Variants in STRADB observed in about 807,000 individuals in gnomAD.
The protein encoded by STRADB is STE20-related kinase adapter protein beta.
STRADB carries 34 observed loss-of-function variants against 52.1 expected under a neutral mutation model. The observed-to-expected ratio is 0.65, with a 90% CI of 0.50 to 0.87. The LOEUF (loss-of-function observed/expected upper bound fraction) is 0.87. STRADB is among the 40% of genes least tolerant of loss of function. The pLI is 0.00. For missense variants in STRADB, 340 were observed against 483.9 expected, an observed-to-expected ratio of 0.70 and a Z score of 2.79; for synonymous variants, 133 against 174.5, an observed-to-expected ratio of 0.76 and a Z score of 1.87.
In STRADB at chr2:201,478,490, G is replaced by A; in HGVS notation, c.959G>A (p.Ser320Asn). 1 of 1,614,044 alleles carries A rather than the reference G, an allele frequency of 6.2e-7. No individual in the cohort carries two copies. Among genetic ancestry groups the A allele is most frequent in the Non-Finnish European group, 8.5e-7 (1 of 1,180,026 alleles). ...ATTGGAGAAAGTGTGCTTGTCTCCA[G>A]TGGAACTCACACAGTAAATAGTGAC... Reference protein sequence around the residue: ...SGIGESVLVSSGTHTVNSDRL... With the variant: ...SGIGESVLVSNGTHTVNSDRL... The change falls in exon 10 of 12, where the codon AGT (serine) becomes AAT (asparagine). Residue 320 changes from serine (S) to asparagine (N), a missense_variant. By Grantham distance (46) the Ser-to-Asn change is conservative. Transcript: ENST00000194530.
In STRADB at chr2:201,458,788, G is replaced by A. The variant is rs1952167964; in HGVS notation, c.17G>A (p.Cys6Tyr). 6.2e-7 allele frequency: 1 copy of A among 1,613,018 alleles called. No individual in the cohort carries two copies. The highest frequency in any genetic ancestry group is 1.3e-5 in the African/African-American group (1 of 74,786). Residue 6 changes from cysteine to tyrosine, a missense_variant, in exon 3 of 12, where the codon TGC becomes TAC. By Grantham distance (194) the Cys-to-Tyr change is radical. Coordinates refer to ENST00000194530, the MANE Select transcript of STRADB (RefSeq NM_018571.6). MSLLD[C>Y]FCTSRTQVES... Reference sequence around the variant, plus strand: ...TAATGCATTTCTGACTTCCAGGATTGCTTCTGCACTTCAAGAACACAAGTT... The same window carrying A: ...TAATGCATTTCTGACTTCCAGGATTACTTCTGCACTTCAAGAACACAAGTT...
Position 201,458,811 on chromosome 2 carries a change from G to A in STRADB, c.40G>A (p.Val14Ile). 6.2e-7 allele frequency: 1 copy of A among 1,613,738 alleles called. No individual in the cohort carries two copies. Among genetic ancestry groups the A allele is most frequent in the Non-Finnish European group, 8.5e-7 (1 of 1,179,868 alleles). ...LDCFCTSRTQVESLRPEKQSE... is the reference protein window; with the variant it reads ...LDCFCTSRTQIESLRPEKQSE... ...TTGCTTCTGCACTTCAAGAACACAAGTTGAATCACTCAGACCTGAAAAACA... is the reference window on the plus strand; with the variant it reads ...TTGCTTCTGCACTTCAAGAACACAAATTGAATCACTCAGACCTGAAAAACA... Residue 14 changes from valine (V) to isoleucine (I), a missense_variant, in exon 3 of 12, where the codon GTT becomes ATT. Physicochemically the swap from Val to Ile is conservative, Grantham distance 29. Coordinates refer to ENST00000194530, the MANE Select transcript of STRADB (RefSeq NM_018571.6).
At chr2:201,475,479 TGTGTGGGAAA>T in intron 6 of STRADB, 130 bp from the exon 7 acceptor site, 14 of 894,856 alleles carry the variant, frequency 1.6e-5, no homozygotes, top group Non-Finnish European at 2.5e-5. Context: ...AAATCATGTT[TGTGTGGGAAA>T]GTGTTGTTTG....
At position 201,480,766 on chromosome 2, in the gene STRADB, G is replaced by A; in HGVS notation, c.*591G>A. Reference sequence around the variant, plus strand: ...CTTTTTTTTAAACAAGGGGGCTAAAGTAACACTTTCCTACTTATGTAAATT... The same window carrying A: ...CTTTTTTTTAAACAAGGGGGCTAAAATAACACTTTCCTACTTATGTAAATT... On this transcript the variant is annotated 3_prime_UTR_variant, in exon 12 of 12. Coordinates refer to ENST00000194530, the MANE Select transcript of STRADB (RefSeq NM_018571.6). The A allele has an allele frequency of 1.0e-6, 1 of 985,636 alleles. No homozygotes were observed. Among genetic ancestry groups the A allele is most frequent in the Non-Finnish European group, 1.2e-6 (1 of 829,830 alleles). The allele number at this position is 985,636 out of a possible 1,614,324, so 61.1% of individuals were successfully genotyped here. A position where few individuals can be genotyped will look rare whatever the true frequency, so the allele number is the denominator to read the frequency against.
chr2:201,468,683 C>T (rs1952343336), intron 3 of STRADB, among the ~76,000 whole-genome samples: 1 of 152,142 alleles, frequency 6.6e-6, no homozygotes, highest in Admixed American at 6.5e-5. Flanking sequence ...AGTCCATCAC[C>T]CAGTAACATT....
At chr2:201,469,039 A>G (rs1952349802) in intron 3 of STRADB, among the ~76,000 whole-genome samples, 2 of 152,110 alleles carry the variant, frequency 1.3e-5, no homozygotes, top group Non-Finnish European at 2.9e-5. Context: ...ATCTTTAGCC[A>G]TGGGTTTATA....
At chr2:201,473,764 T>C (rs751557411) in intron 5 of STRADB, among the ~76,000 whole-genome samples, 1 of 152,192 alleles carries the variant, frequency 6.6e-6, no homozygotes, top group Non-Finnish European at 1.5e-5. Context: ...TTAAGCAAAA[T>C]TAATTTCTGA....
chr2:201,459,695 G>A (rs1952183465), intron 3 of STRADB, among the ~76,000 whole-genome samples: 2 of 152,168 alleles, frequency 1.3e-5, no homozygotes, highest in Non-Finnish European at 2.9e-5. Flanking sequence ...TCTGTTCAGT[G>A]TTCAGTAATG....
chr2:201,468,321 T>C (rs1462343569), intron 3 of STRADB, among the ~76,000 whole-genome samples: 1 of 152,146 alleles, frequency 6.6e-6, no homozygotes, highest in East Asian at 1.9e-4. Flanking sequence ...GTTGTCTTCT[T>C]GTGATTACCA....
At chr2:201,476,981 C>CAA (rs749872871) in intron 7 of STRADB, among the ~76,000 whole-genome samples, 1 of 30,048 alleles carries the variant, frequency 3.3e-5, no homozygotes. Context: ...GATTCTGTCT[C>CAA]AAAAAAAAAA....
chr2:201,454,949 T>A, intron 2 of STRADB, 97 bp downstream of exon 2: 1 of 1,098,776 alleles, frequency 9.1e-7, no homozygotes. Context: ...TGGGATATTC[T>A]TATGCTCTGA....
intron 4 of STRADB, 101 bp from the exon 5 acceptor site, chr2:201,472,854 A>C: frequency 8.4e-7 from 1 of 1,195,802 alleles, no homozygotes; most frequent in Non-Finnish European, 1.2e-6. Flanking sequence ...TTTTCTTAAC[A>C]GTACTTTTTG....
chr2:201,479,337 T>C (rs1363391720), intron 10 of STRADB, 152 bp from the exon 11 acceptor site: 1 of 648,536 alleles, frequency 1.5e-6, no homozygotes, highest in Non-Finnish European at 2.6e-6. Flanking sequence ...GTCAAGGTTG[T>C]AGCTAAGAAT....
intron 1 of STRADB, among the ~76,000 whole-genome samples, chr2:201,454,056 T>C (rs1434853416): frequency 6.6e-6 from 1 of 152,162 alleles, no homozygotes; most frequent in Non-Finnish European, 1.5e-5. Context: ...GGAGTTGAAA[T>C]AATGAAGCAC....
At chr2:201,479,449 T>A (rs971020418) in intron 10 of STRADB, 40 bp from the exon 11 acceptor site, 6 of 1,441,538 alleles carry the variant, frequency 4.2e-6, no homozygotes, top group South Asian at 3.8e-5. Flanking sequence ...TACATTCTAA[T>A]ATAAAGGTTT....
Position 201,451,751 on chromosome 2 carries a change from G to C in STRADB, c.-283G>C, listed in dbSNP as rs892645531. 6.6e-6 allele frequency: 1 copy of C among 152,034 alleles called. No individual in the cohort carries two copies. Among genetic ancestry groups the C allele is most frequent in the African/African-American group, 2.4e-5 (1 of 41,412 alleles). The allele number at this position is 152,034 out of a possible 1,614,324, so 9.4% of individuals were successfully genotyped here. Reference sequence around the variant, plus strand: ...GGTGGGGCGAATGCGTTCCCAGCGGGTAGCCTGGGACTGGTGCAGAGTTCC... The same window carrying C: ...GGTGGGGCGAATGCGTTCCCAGCGGCTAGCCTGGGACTGGTGCAGAGTTCC... On this transcript the variant is annotated 5_prime_UTR_variant, in exon 1 of 12. Transcript: ENST00000194530.
chr2:201,460,636 A>G (rs1952199022), intron 3 of STRADB, among the ~76,000 whole-genome samples: 1 of 152,194 alleles, frequency 6.6e-6, no homozygotes, highest in African/African-American at 2.4e-5. Flanking sequence ...TGGGCCTGCC[A>G]TATTTCACTT....
In STRADB at chr2:201,472,957, A is replaced by G; in HGVS notation, c.196A>G (p.Arg66Gly). The change falls in exon 5 of 12, where the codon AGA becomes GGA. Residue 66 changes from arginine to glycine, a missense_variant and splice_region_variant. Physicochemically the swap from Arg to Gly is moderately radical, Grantham distance 125 (BLOSUM62 -2). Transcript: ENST00000194530. The part of the protein sequence containing the change: ...SHYELQVEIG[R>G]GFDNLTSVHL... The stretch of plus-strand genomic sequence containing the variant: ...ATGAGTTTTATGTCTGATTACAGGA[A>G]GAGGATTTGACAACTTGACTTCTGT... 1 of 1,599,836 alleles carries G rather than the reference A, an allele frequency of 6.3e-7. No homozygotes were observed. Among genetic ancestry groups the G allele is most frequent in the Middle Eastern group, 1.7e-4 (1 of 5,804 alleles).
chr2:201,466,797 C>G (rs1288396889), intron 3 of STRADB, among the ~76,000 whole-genome samples: 1 of 152,172 alleles, frequency 6.6e-6, no homozygotes, highest in Non-Finnish European at 1.5e-5. Flanking sequence ...GCCATCTGGT[C>G]TAATTTTCAA....
Sources: gnomAD v4.1 joint callset for allele counts (sites outside exome capture counted in the v4.1 genomes callset) on GRCh38, gnomAD v4.1.1 for gene constraint, MANE v1.5 for transcripts, NCBI Gene and HGNC (gene_info 2026-07-23, HGNC 2026-07-21) for gene names.